The following SYT7 variants were observed in gnomAD, a reference collection of about 807,000 sequenced individuals.
SYT7 encodes synaptotagmin-7.
In SYT7, 29 loss-of-function variants were observed where a neutral mutation model predicts 75.1. That is an observed-to-expected ratio of 0.39 (90% CI 0.29 to 0.53). The LOEUF (loss-of-function observed/expected upper bound fraction) is 0.53, where lower values mean the gene tolerates loss of function less well. SYT7 is among the 20% of genes least tolerant of loss of function. The pLI is 0.77. For synonymous variants in SYT7, 376 were observed against 401.7 expected (o/e 0.94, Z 0.76); for missense variants, 693 against 953.2 (o/e 0.73, Z 3.59).
chr11:61,543,547 T>C (rs887073001), intron 5 of SYT7, among the ~76,000 whole-genome samples: 1 of 152,172 alleles, frequency 6.6e-6, no homozygotes, highest in African/African-American at 2.4e-5. Context: ...ACTTACTAAA[T>C]ATGGGACTCT....
At chr11:61,533,508 G>A (rs929282303) in intron 7 of SYT7, 51 of 985,308 alleles carry the variant, frequency 5.2e-5, no homozygotes, top group Non-Finnish European at 6.1e-5. Context: ...AGCCTGGAAG[G>A]GGGAGGCTCC....
rs1220385249 is a variant in SYT7 at position 61,518,586 on chromosome 11, G to C, written c.*41C>G. The C allele has an allele frequency of 3.7e-5, 53 of 1,427,710 alleles. No individual in the cohort carries two copies. Among genetic ancestry groups the C allele is most frequent in the Non-Finnish European group, 4.7e-5 (50 of 1,053,316 alleles). The allele number at this position is 1,427,710 out of a possible 1,614,324, so 88.4% of individuals were successfully genotyped here. ...GCATAAAGTGGTGAGGGCATGATGG[G>C]GACCTGGGCCCTCGGCCCCCTGGGC... On this transcript the variant is annotated 3_prime_UTR_variant, in exon 13 of 13. Coordinates refer to ENST00000539008, the MANE Select transcript of SYT7 (RefSeq NM_001365809.2).
In SYT7 at chr11:61,536,298, G is replaced by A. The variant is rs112996468; in HGVS notation, c.1064+1846C>T. 9.5e-3 allele frequency among the ~76,000 whole-genome samples: 1,447 copies of A among 152,336 alleles called. 13 individuals are homozygous for A. The highest frequency in any genetic ancestry group is 0.015 in the Non-Finnish European group (1,048 of 68,032). On this transcript the variant is annotated intron_variant, in intron 7 of 12. Coordinates refer to ENST00000539008, the MANE Select transcript of SYT7 (RefSeq NM_001365809.2). The stretch of plus-strand genomic sequence containing the variant: ...CATGGAGTGAGACCTAAGTGGCAAG[G>A]AGGTAAAAATAGACTGTGGGTGACA...
intron 1 of SYT7, among the ~76,000 whole-genome samples, chr11:61,564,388 C>T (rs2063713529): frequency 6.6e-6 from 1 of 152,198 alleles, no homozygotes; most frequent in South Asian, 2.1e-4. Flanking sequence ...GGCCACTGCT[C>T]TTCTTCCCAA....
At chr11:61,571,523 C>T (rs1339720308) in intron 1 of SYT7, among the ~76,000 whole-genome samples, 1 of 152,240 alleles carries the variant, frequency 6.6e-6, no homozygotes, top group South Asian at 2.1e-4. Context: ...GGCCACCACA[C>T]CCCTTCTCCT....
chr11:61,542,030 G>A lies in SYT7; in HGVS notation c.941+181C>T, dbSNP rs967102768. 1.1e-4 allele frequency among the ~76,000 whole-genome samples: 17 copies of A among 152,268 alleles called. No individual in the cohort carries two copies. Among genetic ancestry groups the A allele is most frequent in the Middle Eastern group, 3.4e-3 (1 of 294 alleles). On this transcript the variant is annotated intron_variant, in intron 6 of 12. Coordinates refer to ENST00000539008, the MANE Select transcript of SYT7 (RefSeq NM_001365809.2). This position sits in a 1 kb window ranked among gnomAD's most constrained non-coding sequence, Gnocchi z 7.8. ...TAGGGAGGTGGCTGAGAATTCTTCC[G>A]TGGTGGCCTTCAGGCAGGAGCCACA...
chr11:61,524,638 G>T lies in SYT7; in HGVS notation c.1472-106C>A. 8.7e-7 allele frequency: 1 copy of T among 1,149,478 alleles called. No individual in the cohort carries two copies. Among genetic ancestry groups the T allele is most frequent in the Non-Finnish European group, 1.2e-6 (1 of 822,978 alleles). 71.2% of individuals were successfully genotyped at this position (1,149,478 alleles called of 1,614,324 possible). On this transcript the variant is annotated intron_variant, in intron 9 of 12. Coordinates refer to ENST00000539008, the MANE Select transcript of SYT7 (RefSeq NM_001365809.2). This position sits in a 1 kb window ranked among gnomAD's most constrained non-coding sequence, Gnocchi z 4.1. ...GAGGAGGCAGGCCCTGTGCCCTCCC[G>T]CTGCCACCCCACCGGGCCAGCAGGC...
chr11:61,569,289 G>A (rs1381136247), intron 1 of SYT7, among the ~76,000 whole-genome samples: 1 of 152,056 alleles, frequency 6.6e-6, no homozygotes, highest in Non-Finnish European at 1.5e-5. Flanking sequence ...TGGAGGTACT[G>A]GGTAGCAGCT....
In SYT7 at chr11:61,523,360, A is replaced by AC; in HGVS notation, c.1757-87_1757-86insG. ...TTTCCCCTTCCAGGAATGGAAGCTG[A>AC]GGCAGGAGGGCCGTGTGCTTTCCCC... On this transcript the variant is annotated intron_variant, in intron 11 of 12. Coordinates refer to ENST00000539008, the MANE Select transcript of SYT7 (RefSeq NM_001365809.2). This position sits in a 1 kb window ranked among gnomAD's most constrained non-coding sequence, Gnocchi z 5.0. 1 of 1,345,246 alleles carries AC rather than the reference A, an allele frequency of 7.4e-7. No homozygotes were observed. The highest frequency in any genetic ancestry group is 1.7e-5 in the Admixed American group (1 of 58,424). The allele number at this position is 1,345,246 out of a possible 1,614,324, so 83.3% of individuals were successfully genotyped here.
chr11:61,567,010 G>A (rs1324021454), intron 1 of SYT7, among the ~76,000 whole-genome samples: 2 of 152,226 alleles, frequency 1.3e-5, no homozygotes, highest in African/African-American at 4.8e-5. Context: ...TCCATGGCCA[G>A]GGCTTATGGT....
chr11:61,549,131 C>T (rs184837341), intron 3 of SYT7, among the ~76,000 whole-genome samples: 4 of 152,108 alleles, frequency 2.6e-5, no homozygotes, highest in Non-Finnish European at 4.4e-5. Context: ...TTTCCCGCTC[C>T]CTCCAGATCT....
intron 1 of SYT7, among the ~76,000 whole-genome samples, chr11:61,579,720 G>C (rs1016226872): frequency 6.6e-6 from 1 of 152,216 alleles, no homozygotes; most frequent in South Asian, 2.1e-4. Context: ...CTACAGCACC[G>C]CCGCCCCCAG....
chr11:61,520,422 G>T (rs1488660011), intron 12 of SYT7, among the ~76,000 whole-genome samples: 1 of 152,048 alleles, frequency 6.6e-6, no homozygotes, highest in Non-Finnish European at 1.5e-5. Flanking sequence ...GCCACTTGGG[G>T]ACTGAGGTGG....
intron 8 of SYT7, 108 bp from the exon 9 acceptor site, chr11:61,528,293 A>T (rs900379195): frequency 3.7e-6 from 5 of 1,362,468 alleles, no homozygotes; most frequent in Non-Finnish European, 5.0e-6. Context: ...CCCAGCCCAC[A>T]CTCACATCCC....
At chr11:61,527,753 G>A (rs2062565911) in intron 9 of SYT7, among the ~76,000 whole-genome samples, 162 bp downstream of exon 9, 1 of 151,854 alleles carries the variant, frequency 6.6e-6, no homozygotes, top group Non-Finnish European at 1.5e-5. Flanking sequence ...ACATGCAGGT[G>A]TGCACATAAG....
chr11:61,549,462 C>T (rs1316749881), intron 3 of SYT7, among the ~76,000 whole-genome samples: 2 of 152,220 alleles, frequency 1.3e-5, no homozygotes, highest in African/African-American at 4.8e-5. Flanking sequence ...CTGTGGGGCA[C>T]AAGGGCCCTG....
chr11:61,536,078 A>G (rs1198312900), intron 7 of SYT7, among the ~76,000 whole-genome samples: 1 of 151,840 alleles, frequency 6.6e-6, no homozygotes, highest in Non-Finnish European at 1.5e-5. Flanking sequence ...GCAGCCCACC[A>G]CCCGAGAAGC....
At position 61,547,103 on chromosome 11, in the gene SYT7, T is replaced by A. The variant is rs1360548751; in HGVS notation, c.347+74A>T. On this transcript the variant is annotated intron_variant, in intron 4 of 12. Coordinates refer to ENST00000539008, the MANE Select transcript of SYT7 (RefSeq NM_001365809.2). ...GGGAGTGAGCGGGTCCAGAGGTGGGTGGGGGCAGGAGGAGGGAAGGAGGGC... is the reference window on the plus strand; with the variant it reads ...GGGAGTGAGCGGGTCCAGAGGTGGGAGGGGGCAGGAGGAGGGAAGGAGGGC... The A allele has an allele frequency of 2.1e-6, 3 of 1,461,056 alleles. No homozygotes were observed. The African/African-American group carries it at 4.6e-5, about 22-fold the overall frequency. 90.5% of individuals were successfully genotyped at this position (1,461,056 alleles called of 1,614,324 possible).
At chr11:61,554,133 C>A (rs978701627) in intron 2 of SYT7, among the ~76,000 whole-genome samples, 4 of 152,040 alleles carry the variant, frequency 2.6e-5, no homozygotes, top group African/African-American at 9.7e-5. Flanking sequence ...TCTCTCAGCT[C>A]CCAAGGTCCT....
Sources: allele counts gnomAD v4.1 joint callset (sites outside exome capture counted in the v4.1 genomes callset), GRCh38; gene constraint gnomAD v4.1.1; non-coding constraint Gnocchi (gnomAD v3.1); transcripts MANE v1.5; gene names NCBI Gene and HGNC (gene_info 2026-07-23, HGNC 2026-07-21).